The following CREBZF variants were observed in gnomAD, a reference collection of about 807,000 sequenced individuals.
CREBZF encodes the protein HCF-binding transcription factor Zhangfei.
Under a neutral mutation model 21.1 loss-of-function variants are expected in CREBZF, and 8 were observed. The ratio of observed to expected loss-of-function variants is 0.38; its 90% CI spans 0.22 to 0.68. The LOEUF (loss-of-function observed/expected upper bound fraction) is 0.68. Ranked by LOEUF, CREBZF falls within the 30% of genes least tolerant of loss-of-function variation. The pLI is 0.51. For missense variants in CREBZF, 518 were observed against 484.3 expected (o/e 1.07, Z -0.65); for synonymous variants, 270 against 223.3 (o/e 1.21, Z -1.86).
Position 85,658,694 on chromosome 11 carries a change from A to G in CREBZF, c.*5117T>C, listed in dbSNP as rs904005313. Among the ~76,000 whole-genome samples, 4 of 151,940 alleles carry G rather than the reference A, an allele frequency of 2.6e-5. No individual in the cohort carries two copies. The highest frequency in any genetic ancestry group is 4.4e-5 in the Non-Finnish European group (3 of 67,862). ...CACATTCTATTTAAATTAAGACAAT[A>G]TATTTTATAAAGCCCAAATTATAGT... is the stretch of plus-strand genomic sequence containing the variant. On this transcript the variant is annotated 3_prime_UTR_variant, in exon 1 of 1. Coordinates refer to ENST00000527447, the MANE Select transcript of CREBZF (RefSeq NM_001039618.4).
At chr11:85,668,989 G>A (rs561097778), upstream of CREBZF, among the ~76,000 whole-genome samples, 44 of 65,322 alleles carry the variant, frequency 6.7e-4, no homozygotes, top group South Asian at 0.019. Flanking sequence ...GCGACAGAGC[G>A]AGACTCCGTC....
At chr11:85,665,963 A>G (rs1009743323), upstream of CREBZF, among the ~76,000 whole-genome samples, 1 of 152,334 alleles carries the variant, frequency 6.6e-6, no homozygotes, top group Admixed American at 6.5e-5. Flanking sequence ...CTGCCCAGAA[A>G]CTGCCTGTCC....
At chr11:85,682,410 C>A (rs908824043) in intron 1 of CREBZF, among the ~76,000 whole-genome samples, 1 of 152,108 alleles carries the variant, frequency 6.6e-6, no homozygotes, top group African/African-American at 2.4e-5. Flanking sequence ...CAAAATTTTT[C>A]GAAAGGGCAT....
At position 85,661,253 on chromosome 11, in the gene CREBZF, T is replaced by G. The variant is rs2082670045; in HGVS notation, c.*2558A>C. On this transcript the variant is annotated 3_prime_UTR_variant, in exon 1 of 1. Transcript: ENST00000527447. Reference sequence around the variant, plus strand: ...CCCTATTAGATAGATCCTAAGTACATGCAATTACCATGTAAAAACAAGACC... The same window carrying G: ...CCCTATTAGATAGATCCTAAGTACAGGCAATTACCATGTAAAAACAAGACC... The G allele has an allele frequency of 6.6e-6, 1 of 151,746 alleles. No homozygotes were observed. The highest frequency in any genetic ancestry group is 2.4e-5 in the African/African-American group (1 of 41,108). 9.4% of individuals were successfully genotyped at this position (151,746 alleles called of 1,614,324 possible).
chr11:85,665,459 T>A (rs1591485683), upstream of CREBZF, among the ~76,000 whole-genome samples: 1 of 56,024 alleles, frequency 1.8e-5, no homozygotes, highest in Non-Finnish European at 3.2e-5. Context: ...AAATAAGGAC[T>A]TTTTTTTCAT....
chr11:85,662,454 T>C lies in CREBZF; in HGVS notation c.*1357A>G, dbSNP rs2082712309. ...CGTCTCTTCTGCCCCAACAGCTGTATCCACTTTAGCACAAAGAAAAACAAG... is the reference window on the plus strand; with the variant it reads ...CGTCTCTTCTGCCCCAACAGCTGTACCCACTTTAGCACAAAGAAAAACAAG... On this transcript the variant is annotated 3_prime_UTR_variant, in exon 1 of 1. Coordinates refer to ENST00000527447, the MANE Select transcript of CREBZF (RefSeq NM_001039618.4). 1 of 716,910 alleles carries C rather than the reference T, an allele frequency of 1.4e-6. No individual in the cohort carries two copies. Among genetic ancestry groups the C allele is most frequent in the Non-Finnish European group, 2.6e-6 (1 of 384,792 alleles). The allele number at this position is 716,910 out of a possible 1,614,324, so 44.4% of individuals were successfully genotyped here.
upstream of CREBZF, among the ~76,000 whole-genome samples, chr11:85,670,096 C>T (rs982691842): frequency 4.0e-5 from 6 of 151,872 alleles, no homozygotes; most frequent in South Asian, 4.2e-4. Context: ...TGTGAGCCAC[C>T]GTGCCTGGAC....
Position 85,662,263 on chromosome 11 carries a change from C to A in CREBZF, c.*1548G>T. On this transcript the variant is annotated 3_prime_UTR_variant, in exon 1 of 1. Coordinates refer to ENST00000527447, the MANE Select transcript of CREBZF (RefSeq NM_001039618.4). ...TTCATAACCAAATAACAAAATAAAA[C>A]ATTTTATGTGTAAGATAACTTACAT... 3 of 586,904 alleles carry A rather than the reference C, an allele frequency of 5.1e-6. No individual in the cohort carries two copies. The highest frequency in any genetic ancestry group is 2.2e-5 in the South Asian group (1 of 45,344). 36.4% of individuals were successfully genotyped at this position (586,904 alleles called of 1,614,324 possible).
intron 1 of CREBZF, among the ~76,000 whole-genome samples, chr11:85,671,290 C>G (rs770458303): frequency 7.2e-5 from 11 of 152,182 alleles, no homozygotes; most frequent in Non-Finnish European, 1.6e-4. Context: ...AATTACCTCC[C>G]ACTGGGTCCC....
rs1293735378 is a variant in CREBZF at position 85,661,981 on chromosome 11, T to C, written c.*1830A>G. ...TGGTTTATATATATATATATATATG[T>C]ATATATATATATAATTCAGTAGGCA... On this transcript the variant is annotated 3_prime_UTR_variant, in exon 1 of 1. Transcript: ENST00000527447. 6.7e-6 allele frequency: 1 copy of C among 148,268 alleles called. No homozygotes were observed. Among genetic ancestry groups the C allele is most frequent in the African/African-American group, 2.5e-5 (1 of 40,688 alleles). The allele number at this position is 148,268 out of a possible 1,614,324, so 9.2% of individuals were successfully genotyped here. A position where few individuals can be genotyped will look rare whatever the true frequency, so the allele number is the denominator to read the frequency against.
chr11:85,664,614 T>C lies in CREBZF; in HGVS notation c.262A>G (p.Ile88Val). Residue 88 changes from isoleucine (I) to valine (V), a missense_variant, in exon 1 of 1, where the codon ATC becomes GTC. Ile to Val is a conservative substitution (Grantham distance 29). Transcript: ENST00000527447. The surrounding 1 kb of genome is among the most constrained non-coding windows in gnomAD (Gnocchi z 5.5). ...GTCTCTTCCCCCGGGAGGCTGGCGA[T>C]CGCCTCCTCCTCCATCTCCTCGGGG... Reference protein sequence around the residue: ...PSPEEMEEEAIASLPGEETED... With the variant: ...PSPEEMEEEAVASLPGEETED... The C allele has an allele frequency of 6.2e-7, 1 of 1,613,410 alleles. No individual in the cohort carries two copies. Among genetic ancestry groups the C allele is most frequent in the African/African-American group, 1.3e-5 (1 of 74,998 alleles).
At chr11:85,667,328 C>G (rs2082879578), upstream of CREBZF, among the ~76,000 whole-genome samples, 1 of 152,212 alleles carries the variant, frequency 6.6e-6, no homozygotes, top group South Asian at 2.1e-4. Flanking sequence ...CCGACTCAGC[C>G]TCCCAAAGTG....
In CREBZF at chr11:85,660,821, CT is replaced by C. The variant is rs1270423352; in HGVS notation, c.*2989del. 2 of 232,136 alleles carry C rather than the reference CT, an allele frequency of 8.6e-6. No individual in the cohort carries two copies. Among genetic ancestry groups the C allele is most frequent in the African/African-American group, 4.7e-5 (2 of 42,252 alleles). 14.4% of individuals were successfully genotyped at this position (232,136 alleles called of 1,614,324 possible). A position where few individuals can be genotyped will look rare whatever the true frequency, so the allele number is the denominator to read the frequency against. On this transcript the variant is annotated 3_prime_UTR_variant, in exon 1 of 1. Transcript: ENST00000527447. ...TGTGTTAGTTCAATTAATGTATGAA[CT>C]CCTGCCACCATCAAAAGACAAATAT... is the stretch of plus-strand genomic sequence containing the variant.
At chr11:85,682,257 C>T (rs1482128186) in intron 1 of CREBZF, among the ~76,000 whole-genome samples, 1 of 152,030 alleles carries the variant, frequency 6.6e-6, no homozygotes, top group Non-Finnish European at 1.5e-5. Flanking sequence ...TTGAACCTCC[C>T]TTGAAAAGTT....
Position 85,660,676 on chromosome 11 carries a change from G to C in CREBZF, c.*3135C>G, listed in dbSNP as rs1565805547. ...ATTTAAAATATTTTGAACACTTCTT[G>C]TTGGATTATATCAGAGGTGTGACTA... On this transcript the variant is annotated 3_prime_UTR_variant, in exon 1 of 1. Transcript: ENST00000527447. 2.3e-6 allele frequency: 1 copy of C among 444,424 alleles called. No individual in the cohort carries two copies. The highest frequency in any genetic ancestry group is 2.0e-5 in the African/African-American group (1 of 49,342). 27.5% of individuals were successfully genotyped at this position (444,424 alleles called of 1,614,324 possible).
chr11:85,672,242 CA>C (rs2082916454), intron 1 of CREBZF, among the ~76,000 whole-genome samples: 1 of 152,248 alleles, frequency 6.6e-6, no homozygotes, highest in Non-Finnish European at 1.5e-5. Context: ...CCCTAGGCTG[CA>C]CACAGCACGG....
chr11:85,679,509 A>C (rs1172552155), intron 1 of CREBZF, among the ~76,000 whole-genome samples: 1 of 152,244 alleles, frequency 6.6e-6, no homozygotes, highest in Non-Finnish European at 1.5e-5. Flanking sequence ...TGGCTGATCT[A>C]CCTCCACTAC....
rs1431099449 is a variant in CREBZF, at chr11:85,661,353, GAA to G, written c.*2456_*2457del. ...AAAAAAAAAATGAAATGGAAACTGAGAAAAGACAGTTAATAAAACATAAGGAA... is the reference window on the plus strand; with the variant it reads ...AAAAAAAAAATGAAATGGAAACTGAGAAGACAGTTAATAAAACATAAGGAA... On this transcript the variant is annotated 3_prime_UTR_variant, in exon 1 of 1. Transcript: ENST00000527447. 1 of 151,964 alleles carries G rather than the reference GAA, an allele frequency of 6.6e-6. No homozygotes were observed. Among genetic ancestry groups the G allele is most frequent in the Non-Finnish European group, 1.5e-5 (1 of 67,856 alleles). The allele number at this position is 151,964 out of a possible 1,614,324, so 9.4% of individuals were successfully genotyped here.
Position 85,663,703 on chromosome 11 carries a change from T to C in CREBZF, c.*108A>G. On this transcript the variant is annotated 3_prime_UTR_variant, in exon 1 of 1. Transcript: ENST00000527447. ...ACTTTAAGATTCAATATTACTTTTTTTCTCTCCTCTGAAATGTGTCCGGTG... is the reference window on the plus strand; with the variant it reads ...ACTTTAAGATTCAATATTACTTTTTCTCTCTCCTCTGAAATGTGTCCGGTG... 6.2e-7 allele frequency: 1 copy of C among 1,605,532 alleles called. No individual in the cohort carries two copies. The highest frequency in any genetic ancestry group is 8.5e-7 in the Non-Finnish European group (1 of 1,175,874).
Sources: gnomAD v4.1 joint callset for allele counts (sites outside exome capture counted in the v4.1 genomes callset) on GRCh38, gnomAD v4.1.1 for gene constraint, Gnocchi (gnomAD v3.1) non-coding constraint, MANE v1.5 for transcripts, NCBI Gene and HGNC (gene_info 2026-07-23, HGNC 2026-07-21) for gene names.